The following COMMD10 variants were observed in gnomAD, a reference collection of about 807,000 sequenced individuals.
COMMD10 encodes COMM domain containing 10.
In COMMD10, 33 loss-of-function variants were observed where a neutral mutation model predicts 28.9. The observed-to-expected ratio is 1.14, with a 90% confidence interval of 0.87 to 1.53. The LOEUF is 1.53. Ranked by LOEUF, COMMD10 falls within the 40% of genes most tolerant of loss-of-function variation. The pLI, the probability that COMMD10 is intolerant of heterozygous loss-of-function variation, is 0.00. For synonymous variants in COMMD10, 110 were observed against 81.7 expected (o/e 1.35, Z -1.87); for missense variants, 310 against 233.4 (o/e 1.33, Z -2.14).
intron 5 of COMMD10, among the ~76,000 whole-genome samples, chr5:116,287,049 T>C (rs140821429): frequency 2.4e-4 from 36 of 151,980 alleles, no homozygotes; most frequent in African/African-American, 7.3e-4. Context: ...TAAGTCCTCA[T>C]ATAACATTGT....
intron 5 of COMMD10, among the ~76,000 whole-genome samples, chr5:116,149,884 T>G (rs867238489): frequency 0.015 from 2,201 of 151,050 alleles, 31 homozygotes; most frequent in African/African-American, 0.031. Context: ...GTCAATTTTG[T>G]CTTTTGTTGC....
At chr5:116,130,239 A>G (rs1751821143) in intron 4 of COMMD10, among the ~76,000 whole-genome samples, 1 of 151,914 alleles carries the variant, frequency 6.6e-6, no homozygotes, top group Non-Finnish European at 1.5e-5. Context: ...TGCTCCGGGT[A>G]TAGCACTGAT....
At chr5:116,279,091 T>C (rs753939887) in intron 5 of COMMD10, among the ~76,000 whole-genome samples, 9 of 151,744 alleles carry the variant, frequency 5.9e-5, no homozygotes, top group Non-Finnish European at 1.5e-5. Flanking sequence ...TGTGCATGCA[T>C]GCAATTGGAA....
chr5:116,196,946 G>GACAGAA lies in COMMD10; in HGVS notation c.510+62769_510+62770insCAGAAA, dbSNP rs1561662286. On this transcript the variant is annotated intron_variant, in intron 5 of 6. Transcript: ENST00000274458. ...AATTAAGCTTAGGAGCATTTCTGTC[G>GACAGAA]ATGTATTCCTATCTTTCAGTATGTG... is the stretch of plus-strand genomic sequence containing the variant. 2.2e-4 allele frequency among the ~76,000 whole-genome samples: 33 copies of GACAGAA among 152,064 alleles called. 1 individual carries two copies. Among genetic ancestry groups the GACAGAA allele is most frequent in the South Asian group, 4.1e-4 (2 of 4,828 alleles).
chr5:116,152,950 T>C (rs1055501962), intron 5 of COMMD10, among the ~76,000 whole-genome samples: 4 of 152,122 alleles, frequency 2.6e-5, no homozygotes, highest in African/African-American at 9.7e-5. Context: ...GTGGGTATTT[T>C]GTTTCCAGCT....
chr5:116,182,000 CA>C (rs959506303), intron 5 of COMMD10, among the ~76,000 whole-genome samples: 20 of 152,122 alleles, frequency 1.3e-4, no homozygotes, highest in African/African-American at 4.6e-4. Flanking sequence ...AACAGGTAAA[CA>C]GACAAATTAT....
intron 5 of COMMD10, among the ~76,000 whole-genome samples, chr5:116,228,016 A>C (rs1044405151): frequency 1.3e-5 from 2 of 152,058 alleles, no homozygotes; most frequent in African/African-American, 2.4e-5. Flanking sequence ...ATTTCAATGG[A>C]GGTTAAAATC....
chr5:116,240,513 G>A (rs987158439), intron 5 of COMMD10, among the ~76,000 whole-genome samples: 4 of 152,108 alleles, frequency 2.6e-5, no homozygotes, highest in South Asian at 4.1e-4. Flanking sequence ...ATATTTAGGG[G>A]GTCATCATTC....
chr5:116,203,679 C>G (rs866360013), intron 5 of COMMD10, among the ~76,000 whole-genome samples: 7 of 152,122 alleles, frequency 4.6e-5, no homozygotes, highest in African/African-American at 1.7e-4. Context: ...ACTTTACAGA[C>G]AAGCAAATGC....
At chr5:116,244,373 T>G (rs1390464272) in intron 5 of COMMD10, among the ~76,000 whole-genome samples, 1 of 152,094 alleles carries the variant, frequency 6.6e-6, no homozygotes, top group African/African-American at 2.4e-5. Flanking sequence ...AATTCATGTT[T>G]CCTTAATTCA....
At chr5:116,188,600 T>G (rs905033062) in intron 5 of COMMD10, 2 of 148,818 alleles carry the variant, frequency 1.3e-5, no homozygotes, top group Non-Finnish European at 3.0e-5. Context: ...TCTTTTCTTC[T>G]TTTTCCTTCC....
chr5:116,154,787 A>T (rs1424034302), intron 5 of COMMD10, among the ~76,000 whole-genome samples: 2 of 149,692 alleles, frequency 1.3e-5, no homozygotes, highest in African/African-American at 2.5e-5. Flanking sequence ...ATAGCCCTTC[A>T]TTTTTTTTTT....
chr5:116,267,554 C>T (rs1750619895), intron 5 of COMMD10, among the ~76,000 whole-genome samples: 3 of 151,876 alleles, frequency 2.0e-5, no homozygotes, highest in Admixed American at 1.3e-4. Context: ...ATGCCATCCC[C>T]ATCAAGCTAC....
At chr5:116,102,704 A>G (rs1032968890) in intron 4 of COMMD10, among the ~76,000 whole-genome samples, 32 of 152,172 alleles carry the variant, frequency 2.1e-4, no homozygotes, top group Admixed American at 1.8e-3. Context: ...TCTGGGGTAC[A>G]TGTGCAGAAT....
intron 5 of COMMD10, among the ~76,000 whole-genome samples, chr5:116,162,840 A>G (rs1344816085): frequency 6.7e-6 from 1 of 149,176 alleles, no homozygotes; most frequent in South Asian, 2.1e-4. Flanking sequence ...ACTTCAGAGT[A>G]GTAGTTTTGG....
At chr5:116,272,619 TCATA>T (rs1235196341) in intron 5 of COMMD10, among the ~76,000 whole-genome samples, 5 of 151,838 alleles carry the variant, frequency 3.3e-5, no homozygotes, top group Non-Finnish European at 7.4e-5. Context: ...GTCTTCAGGA[TCATA>T]CTGGTAATGC....
intron 4 of COMMD10, among the ~76,000 whole-genome samples, chr5:116,127,477 G>A (rs905024213): frequency 1.3e-5 from 2 of 152,102 alleles, no homozygotes; most frequent in African/African-American, 4.8e-5. Flanking sequence ...ACATGCACAC[G>A]CATGTTTATA....
chr5:116,245,469 A>T (rs147289304), intron 5 of COMMD10, among the ~76,000 whole-genome samples: 23 of 152,150 alleles, frequency 1.5e-4, no homozygotes, highest in African/African-American at 5.5e-4. Flanking sequence ...TTGATGAGCA[A>T]CTCCTCCCTA....
At chr5:116,091,309 T>A (rs1026619920) in intron 3 of COMMD10, 120 bp downstream of exon 3, 19 of 487,392 alleles carry the variant, frequency 3.9e-5, no homozygotes, top group Middle Eastern at 5.5e-4. Flanking sequence ...AAGCTGTGAA[T>A]GTATTTTAGT....
Sources: allele counts gnomAD v4.1 joint callset (sites outside exome capture counted in the v4.1 genomes callset), GRCh38; gene constraint gnomAD v4.1.1; transcripts MANE v1.5; gene names NCBI Gene and HGNC (gene_info 2026-07-23, HGNC 2026-07-21).